Variants in SPINK13 observed in about 807,000 individuals in gnomAD.
SPINK13 encodes the protein serine peptidase inhibitor Kazal type 13.
A neutral mutation model predicts 11.0 loss-of-function variants in SPINK13; 11 were observed. The observed-to-expected ratio is 1.00, with a 90% CI of 0.63 to 1.65. The LOEUF (loss-of-function observed/expected upper bound fraction) is 1.65, where lower values mean the gene tolerates loss of function less well. Ranked by LOEUF, SPINK13 falls within the 40% of genes most tolerant of loss-of-function variation. The pLI is 0.00. For synonymous variants in SPINK13, 31 were observed against 35.6 expected, an observed-to-expected ratio of 0.87 and a Z score of 0.46; for missense variants, 113 against 117.7, an observed-to-expected ratio of 0.96 and a Z score of 0.19.
chr5:148,278,839 T>C (rs1756470537), intron 3 of SPINK13, among the ~76,000 whole-genome samples: 1 of 152,150 alleles, frequency 6.6e-6, no homozygotes, highest in Admixed American at 6.5e-5. Flanking sequence ...ACTTTCTGTC[T>C]CATCAATCTA....
In SPINK13 at chr5:148,281,474, T is replaced by G. The variant is rs1020434367; in HGVS notation, c.109-630T>G. 2.0e-5 allele frequency among the ~76,000 whole-genome samples: 3 copies of G among 152,174 alleles called. No individual in the cohort carries two copies. The South Asian group carries it at 6.2e-4, about 32-fold the overall frequency. ...TGCGAAGACTGTGGGAAAAGCATAG[T>G]ATCTGGGCTGGATAGCTCTGTCCTT... is the stretch of plus-strand genomic sequence containing the variant. On this transcript the variant is annotated intron_variant, in intron 3 of 4. Transcript: ENST00000398450.
rs1054846722 is a variant in SPINK13, at chr5:148,280,460, T to C, written c.109-1644T>C. Reference sequence around the variant, plus strand: ...GTCTTTGATGTTGGAGACCTTCAGATCGAGTTTTTGCGTGGTCATCCTTTC... The same window carrying C: ...GTCTTTGATGTTGGAGACCTTCAGACCGAGTTTTTGCGTGGTCATCCTTTC... On this transcript the variant is annotated intron_variant, in intron 3 of 4. Transcript: ENST00000398450. 5.3e-5 allele frequency among the ~76,000 whole-genome samples: 8 copies of C among 152,316 alleles called. No homozygotes were observed. In the South Asian group the frequency reaches 1.4e-3, roughly 28 times the overall value.
chr5:148,277,712 A>T (rs557059591), intron 3 of SPINK13, among the ~76,000 whole-genome samples: 2 of 152,270 alleles, frequency 1.3e-5, no homozygotes, highest in African/African-American at 4.8e-5. Context: ...ATCAATGTTC[A>T]CCAGGGATCT....
At chr5:148,284,379 C>T (rs1756561668) in intron 4 of SPINK13, among the ~76,000 whole-genome samples, 1 of 151,962 alleles carries the variant, frequency 6.6e-6, no homozygotes, top group Non-Finnish European at 1.5e-5. Context: ...GAGAGATGTA[C>T]TGTGACCACT....
chr5:148,271,563 T>C (rs1286585900), intron 2 of SPINK13, among the ~76,000 whole-genome samples: 4 of 152,184 alleles, frequency 2.6e-5, no homozygotes, highest in Non-Finnish European at 2.9e-5. Flanking sequence ...CTTTTATTTA[T>C]ACACATCATG....
intron 3 of SPINK13, among the ~76,000 whole-genome samples, chr5:148,278,740 T>C (rs113611114): frequency 0.085 from 12,917 of 152,216 alleles, 1,458 homozygotes; most frequent in East Asian, 0.26. Context: ...GAAGAATGTA[T>C]ATTTTGTTGA....
chr5:148,278,738 T>A (rs184595412), intron 3 of SPINK13, among the ~76,000 whole-genome samples: 2 of 152,212 alleles, frequency 1.3e-5, no homozygotes, highest in African/African-American at 2.4e-5. Context: ...GAGAAGAATG[T>A]ATATTTTGTT....
At position 148,282,649 on chromosome 5, in the gene SPINK13, T is replaced by G. The variant is rs1756536173; in HGVS notation, c.236+418T>G. Among the ~76,000 whole-genome samples, 3 of 152,330 alleles carry G rather than the reference T, an allele frequency of 2.0e-5. No homozygotes were observed. In the South Asian group the frequency reaches 6.2e-4, roughly 32 times the overall value. ...ATGTAGAAAAAGATGCAGATGCAGC[T>G]ATAGCCATAGACAAACGTATAAACA... On this transcript the variant is annotated intron_variant, in intron 4 of 4. Coordinates refer to ENST00000398450, the MANE Select transcript of SPINK13 (RefSeq NM_001040129.3).
chr5:148,285,930 G>C, intron 4 of SPINK13, 70 bp from the exon 5 acceptor site: 11 of 913,910 alleles, frequency 1.2e-5, no homozygotes, highest in Non-Finnish European at 1.7e-5. Flanking sequence ...AGAAGATAAG[G>C]AAAAGTACAT....
At chr5:148,271,538 T>C (rs1000768206) in intron 2 of SPINK13, among the ~76,000 whole-genome samples, 2 of 152,194 alleles carry the variant, frequency 1.3e-5, no homozygotes, top group African/African-American at 2.4e-5. Context: ...CTCATGCTCT[T>C]ATTTTTAATA....
At chr5:148,270,713 T>C (rs573878905) in intron 2 of SPINK13, 3 of 152,472 alleles carry the variant, frequency 2.0e-5, no homozygotes, top group East Asian at 1.9e-4. Flanking sequence ...ACTTTGCAGA[T>C]GTAATTTAGT....
intron 1 of SPINK13, chr5:148,269,121 T>C (rs937176363): frequency 2.6e-5 from 4 of 152,210 alleles, no homozygotes; most frequent in Non-Finnish European, 2.9e-5. Context: ...CGTGAGCAAG[T>C]TAAGGAAATG....
chr5:148,282,369 G>A, intron 4 of SPINK13, 138 bp downstream of exon 4: 1 of 1,035,000 alleles, frequency 9.7e-7, no homozygotes, highest in South Asian at 1.7e-5. Flanking sequence ...AAAAACTGGG[G>A]ACAGACTACA....
chr5:148,268,858 G>C lies in SPINK13; in HGVS notation c.-64G>C, dbSNP rs952114516. On this transcript the variant is annotated 5_prime_UTR_variant, in exon 1 of 5. Coordinates refer to ENST00000398450, the MANE Select transcript of SPINK13 (RefSeq NM_001040129.3). ...CTAGTTGTGACATCCAAAGTGACAA[G>C]AGCAGGCCCATATTCAGCCACCTCA... 2.0e-5 allele frequency: 3 copies of C among 152,582 alleles called. No homozygotes were observed. The highest frequency in any genetic ancestry group is 4.4e-5 in the Non-Finnish European group (3 of 68,296). 9.5% of individuals were successfully genotyped at this position (152,582 alleles called of 1,614,324 possible).
At chr5:148,282,378 CAG>C (rs1756530663) in intron 4 of SPINK13, 147 bp downstream of exon 4, 7 of 956,100 alleles carry the variant, frequency 7.3e-6, no homozygotes, top group East Asian at 5.3e-5. Flanking sequence ...GGACAGACTA[CAG>C]AGAGAGTGAA....
chr5:148,269,348 T>C (rs531613715), intron 1 of SPINK13, among the ~76,000 whole-genome samples: 1 of 152,350 alleles, frequency 6.6e-6, no homozygotes, highest in African/African-American at 2.4e-5. Flanking sequence ...CTCCAAACTC[T>C]GATTTCTAGC....
chr5:148,275,572 A>G (rs1445563961), intron 3 of SPINK13, among the ~76,000 whole-genome samples: 1 of 152,110 alleles, frequency 6.6e-6, no homozygotes, highest in African/African-American at 2.4e-5. Context: ...TGTCCTCCAC[A>G]ATGGTTGAAC....
intron 3 of SPINK13, 131 bp from the exon 4 acceptor site, chr5:148,281,973 C>T: frequency 7.7e-7 from 1 of 1,291,882 alleles, no homozygotes; most frequent in Non-Finnish European, 1.1e-6. Flanking sequence ...GGCCACAGAA[C>T]AGTGAATCCT....
intron 3 of SPINK13, 71 bp from the exon 4 acceptor site, chr5:148,282,033 C>T: frequency 6.3e-7 from 1 of 1,579,344 alleles, no homozygotes; most frequent in East Asian, 2.3e-5. Flanking sequence ...TTAAGTGGGG[C>T]AGAAGTGACA....
Sources: allele counts gnomAD v4.1 joint callset (sites outside exome capture counted in the v4.1 genomes callset), GRCh38; gene constraint gnomAD v4.1.1; transcripts MANE v1.5; gene names NCBI Gene and HGNC (gene_info 2026-07-23, HGNC 2026-07-21).